The following GRIK2 variants were observed in gnomAD, a reference collection of about 807,000 sequenced individuals.
GRIK2 encodes the protein glutamate receptor ionotropic, kainate 2.
GRIK2 carries 32 observed loss-of-function variants against 100.3 expected under a neutral mutation model. The ratio of observed to expected loss-of-function variants is 0.32; its 90% confidence interval spans 0.24 to 0.43. The LOEUF (loss-of-function observed/expected upper bound fraction) is 0.43. Ranked by LOEUF, GRIK2 falls within the 20% of genes least tolerant of loss-of-function variation. The probability of loss-of-function intolerance (pLI) is 1.00; values close to 1 mark genes in which losing one functional copy is unlikely to be tolerated. For synonymous variants in GRIK2, 417 were observed against 389.4 expected, an observed-to-expected ratio of 1.07 and a Z score of -0.83; for missense variants, 843 against 1,114.9, an observed-to-expected ratio of 0.76 and a Z score of 3.47.
At chr6:101,503,811 A>C (rs928841934) in intron 2 of GRIK2, among the ~76,000 whole-genome samples, 3 of 152,120 alleles carry the variant, frequency 2.0e-5, no homozygotes, top group Admixed American at 1.3e-4. Flanking sequence ...TTTGCCAACC[A>C]AACTCTATGC....
At chr6:102,065,872 T>C in intron 16 of GRIK2, 2 of 1,459,568 alleles carry the variant, frequency 1.4e-6, no homozygotes, top group Non-Finnish European at 1.8e-6. Context: ...TACAGTGTTG[T>C]CATCATCACC....
rs543342678 is a variant in GRIK2 at position 101,737,336 on chromosome 6, A to G, written c.951+50983A>G. Among the ~76,000 whole-genome samples, 6 of 152,340 alleles carry G rather than the reference A, an allele frequency of 3.9e-5. No individual in the cohort carries two copies. In the East Asian group the frequency reaches 1.2e-3, roughly 29 times the overall value. On this transcript the variant is annotated intron_variant, in intron 7 of 16. Transcript: ENST00000369134. The stretch of plus-strand genomic sequence containing the variant: ...TTGTTTTCATGTTGCTGATAAAGAC[A>G]TACCTAAGGCTGGTCAATTTACAAA...
At chr6:101,430,770 C>T in intron 2 of GRIK2, 1 of 234,830 alleles carries the variant, frequency 4.3e-6, no homozygotes, top group South Asian at 7.3e-5. Context: ...CAGCAACTAG[C>T]TCCTTTCCAG....
chr6:101,754,097 G>T (rs1776972346), intron 7 of GRIK2, among the ~76,000 whole-genome samples: 1 of 151,626 alleles, frequency 6.6e-6, no homozygotes, highest in Non-Finnish European at 1.5e-5. Context: ...ATATTTCTTA[G>T]ATAACTTCTT....
intron 2 of GRIK2, among the ~76,000 whole-genome samples, chr6:101,586,923 C>T (rs1211043525): frequency 2.2e-5 from 3 of 139,136 alleles, no homozygotes; most frequent in Non-Finnish European, 4.6e-5. Context: ...AGAGAGATAT[C>T]AAAAACAGAA....
chr6:101,683,261 T>A (rs550799979), intron 6 of GRIK2, among the ~76,000 whole-genome samples: 32 of 152,260 alleles, frequency 2.1e-4, no homozygotes, highest in African/African-American at 7.5e-4. Context: ...TTATCTCAGC[T>A]GTATTCACTT....
intron 4 of GRIK2, among the ~76,000 whole-genome samples, chr6:101,637,299 C>T (rs1056187136): frequency 2.0e-5 from 3 of 152,096 alleles, no homozygotes; most frequent in African/African-American, 7.2e-5. Context: ...CATCACTGAT[C>T]ATCTTTATTT....
intron 14 of GRIK2, among the ~76,000 whole-genome samples, chr6:101,966,342 T>C (rs1305852487): frequency 1.3e-5 from 2 of 151,974 alleles, no homozygotes; most frequent in African/African-American, 4.8e-5. Context: ...TCCTGAGAAG[T>C]GATTGATTTC....
intron 2 of GRIK2, among the ~76,000 whole-genome samples, chr6:101,496,966 A>G (rs1178441947): frequency 6.6e-6 from 1 of 152,214 alleles, no homozygotes; most frequent in African/African-American, 2.4e-5. Flanking sequence ...CTGAAAAATA[A>G]TTAAAGTAAA....
chr6:102,041,915 A>G (rs1249299428), intron 15 of GRIK2, among the ~76,000 whole-genome samples: 2 of 151,590 alleles, frequency 1.3e-5, no homozygotes, highest in East Asian at 3.9e-4. Context: ...GATATTAAAT[A>G]TATAGCCGAG....
intron 4 of GRIK2, among the ~76,000 whole-genome samples, chr6:101,664,606 T>C (rs1181496681): frequency 6.6e-6 from 1 of 152,234 alleles, no homozygotes; most frequent in Non-Finnish European, 1.5e-5. Context: ...TTTTTGATAA[T>C]GGCATAATTG....
chr6:101,603,453 T>A (rs1223150288), intron 2 of GRIK2, among the ~76,000 whole-genome samples: 2 of 151,654 alleles, frequency 1.3e-5, no homozygotes, highest in East Asian at 3.9e-4. Context: ...GCTACTGAAG[T>A]TCATGTGATG....
intron 2 of GRIK2, among the ~76,000 whole-genome samples, chr6:101,438,261 G>T (rs1769847315): frequency 6.6e-6 from 1 of 152,016 alleles, no homozygotes; most frequent in Admixed American, 6.6e-5. Flanking sequence ...TTAGGATTTG[G>T]TTAGCTCAAG....
chr6:101,876,767 C>T (rs1283163792), intron 11 of GRIK2, among the ~76,000 whole-genome samples: 1 of 151,884 alleles, frequency 6.6e-6, no homozygotes, highest in East Asian at 1.9e-4. Flanking sequence ...AAACACCCAG[C>T]ATCCTTCTGT....
rs181902779 is a variant in GRIK2 at position 101,813,142 on chromosome 6, T to C, written c.1204-5228T>C. Among the ~76,000 whole-genome samples, 1,293 of 150,222 alleles carry C rather than the reference T, an allele frequency of 8.6e-3. 12 individuals are homozygous for C. The highest frequency in any genetic ancestry group is 0.025 in the African/African-American group (1,009 of 41,144). ...ATAGACATATGTAAACATCCACATA[T>C]ACACACACACACACACACATATACA... is the stretch of plus-strand genomic sequence containing the variant. On this transcript the variant is annotated intron_variant, in intron 9 of 16. Transcript: ENST00000369134.
At chr6:101,777,763 C>T (rs1278155340) in intron 7 of GRIK2, among the ~76,000 whole-genome samples, 1 of 152,146 alleles carries the variant, frequency 6.6e-6, no homozygotes, top group Non-Finnish European at 1.5e-5. Flanking sequence ...CAGAATGGAT[C>T]TGCCACCTGC....
chr6:101,869,823 T>C (rs1785276767), intron 11 of GRIK2, among the ~76,000 whole-genome samples: 1 of 151,868 alleles, frequency 6.6e-6, no homozygotes, highest in Non-Finnish European at 1.5e-5. Context: ...GTCCCAGTTT[T>C]ACCGGTATAG....
At position 101,744,270 on chromosome 6, in the gene GRIK2, A is replaced by G. The variant is rs566284401; in HGVS notation, c.952-55378A>G. On this transcript the variant is annotated intron_variant, in intron 7 of 16. Transcript: ENST00000369134. ...AATATGTAGTCTTTTATCCCTTGCC[A>G]ACCGCTATCCTTTCCTCTGAGTCTC... 1.8e-3 allele frequency among the ~76,000 whole-genome samples: 269 copies of G among 151,814 alleles called. 2 individuals carry two copies. Among genetic ancestry groups the G allele is most frequent in the African/African-American group, 5.9e-3 (244 of 41,452 alleles).
chr6:101,761,599 C>G (rs1433533272), intron 7 of GRIK2, among the ~76,000 whole-genome samples: 1 of 152,114 alleles, frequency 6.6e-6, no homozygotes, highest in Admixed American at 6.5e-5. Context: ...ACTGAAGCAA[C>G]AAATCACTAT....
Sources: allele counts gnomAD v4.1 joint callset (sites outside exome capture counted in the v4.1 genomes callset), GRCh38; gene constraint gnomAD v4.1.1; transcripts MANE v1.5; gene names NCBI Gene and HGNC (gene_info 2026-07-23, HGNC 2026-07-21).